RANBP2: variants seen among roughly 807,000 people sequenced by gnomAD.
RANBP2 encodes E3 SUMO-protein ligase RanBP2.
A neutral mutation model predicts 303.6 loss-of-function variants in RANBP2; 57 were observed. The ratio of observed to expected loss-of-function variants is 0.19; its 90% CI spans 0.15 to 0.23. The LOEUF is 0.23. Ranked by LOEUF, RANBP2 falls within the 10% of genes least tolerant of loss-of-function variation. RANBP2 has a pLI of 1.00. For synonymous variants in RANBP2, 1,167 were observed against 1,301.5 expected (o/e 0.90, Z 2.23); for missense variants, 3,138 against 3,780.8 (o/e 0.83, Z 4.46).
At chr2:109,191,161 G>A in the RANBP2 span, among the ~76,000 whole-genome samples, 3 of 152,126 alleles carry the variant, frequency 2.0e-5, no homozygotes, top group African/African-American at 4.8e-5. Context: ...GGTCCCCAAC[G>A]TGCTATCAAC....
the RANBP2 span, among the ~76,000 whole-genome samples, chr2:109,389,538 C>T: frequency 6.6e-6 from 1 of 152,070 alleles, no homozygotes; most frequent in Non-Finnish European, 1.5e-5. Flanking sequence ...CGGTCAGGAC[C>T]CAATCAATGG....
chr2:108,867,271 C>T, the RANBP2 span, among the ~76,000 whole-genome samples: 4 of 152,122 alleles, frequency 2.6e-5, no homozygotes, highest in African/African-American at 9.7e-5. Context: ...AGAAGCTCCC[C>T]GCTGGAAGCT....
chr2:109,203,429 G>T, the RANBP2 span, among the ~76,000 whole-genome samples: 8 of 152,208 alleles, frequency 5.3e-5, no homozygotes, highest in Non-Finnish European at 7.3e-5. Flanking sequence ...CTGTGGTCAG[G>T]CGATCACTGT....
chr2:109,237,330 C>G, the RANBP2 span, among the ~76,000 whole-genome samples: 3 of 151,948 alleles, frequency 2.0e-5, no homozygotes, highest in African/African-American at 7.3e-5. Context: ...TCTTGGTAAT[C>G]AAAGAGGTAC....
At chr2:109,250,156 T>C in the RANBP2 span, among the ~76,000 whole-genome samples, 1 of 151,990 alleles carries the variant, frequency 6.6e-6, no homozygotes, top group Admixed American at 6.6e-5. Flanking sequence ...TTCTCTGTCT[T>C]TAAGGTTTTT....
At chr2:109,614,326 C>T in the RANBP2 span, 2 of 643,954 alleles carry the variant, frequency 3.1e-6, no homozygotes, top group Non-Finnish European at 2.2e-6. Context: ...TCCGCCCGGG[C>T]GCGGCCCAGT....
the RANBP2 span, among the ~76,000 whole-genome samples, chr2:109,634,293 C>T: frequency 6.6e-6 from 1 of 151,722 alleles, no homozygotes; most frequent in African/African-American, 2.4e-5. Flanking sequence ...CCAATAGAAA[C>T]CCACACCTAC....
At chr2:109,585,408 C>A in the RANBP2 span, 1 of 1,158,364 alleles carries the variant, frequency 8.6e-7, no homozygotes, top group Non-Finnish European at 1.2e-6. Context: ...TTTCAAAGAT[C>A]CCAAATATTT....
At chr2:109,307,384 C>A in the RANBP2 span, among the ~76,000 whole-genome samples, 1 of 151,880 alleles carries the variant, frequency 6.6e-6, no homozygotes, top group African/African-American at 2.4e-5. Flanking sequence ...ACGCTGCATC[C>A]ATGCTCTGGG....
chr2:109,376,523 G>C, the RANBP2 span, among the ~76,000 whole-genome samples: 4,957 of 152,274 alleles, frequency 0.033, 191 homozygotes, highest in African/African-American at 0.087. Flanking sequence ...GGCCAGGATC[G>C]TGATCCAAAA....
At chr2:108,786,919 A>G, downstream of RANBP2, 1 of 1,521,336 alleles carries the variant, frequency 6.6e-7, no homozygotes, top group Non-Finnish European at 8.8e-7. Flanking sequence ...CGACGAGGTG[A>G]AGCCGCCGCC....
At chr2:108,762,885 T>A (rs925827446) in intron 19 of RANBP2, among the ~76,000 whole-genome samples, 35 of 152,192 alleles carry the variant, frequency 2.3e-4, no homozygotes, top group African/African-American at 8.2e-4. Flanking sequence ...ACTTTAGCTG[T>A]AGATTTTAAG....
chr2:109,268,128 C>G, the RANBP2 span, among the ~76,000 whole-genome samples: 1 of 151,964 alleles, frequency 6.6e-6, no homozygotes, highest in Non-Finnish European at 1.5e-5. Flanking sequence ...TGGCTCCACT[C>G]ACCTCCTTTG....
the RANBP2 span, among the ~76,000 whole-genome samples, chr2:108,923,650 A>C: frequency 2.0e-5 from 3 of 152,316 alleles, no homozygotes; most frequent in East Asian, 5.8e-4. Context: ...CATTCTTTTA[A>C]CAATATTGAG....
the RANBP2 span, among the ~76,000 whole-genome samples, chr2:109,062,960 C>T: frequency 6.6e-6 from 1 of 152,184 alleles, no homozygotes; most frequent in South Asian, 2.1e-4. Context: ...CACCCACCCA[C>T]GCTGACCCTG....
downstream of RANBP2, chr2:108,787,020 G>C: frequency 1.5e-6 from 1 of 661,300 alleles, no homozygotes; most frequent in Non-Finnish European, 2.2e-6. Context: ...CTCTGGTCCC[G>C]GCCCCGGCAC....
chr2:109,180,857 G>C, the RANBP2 span, among the ~76,000 whole-genome samples: 5 of 152,206 alleles, frequency 3.3e-5, no homozygotes, highest in Admixed American at 6.5e-5. Flanking sequence ...GGTCACAGGG[G>C]CTTCAGGGGC....
At chr2:108,886,739 A>T in the RANBP2 span, among the ~76,000 whole-genome samples, 983 of 66,306 alleles carry the variant, frequency 0.015, 9 homozygotes, top group South Asian at 0.081. Flanking sequence ...AATGGGATTT[A>T]AAAAAAAAAT....
the RANBP2 span, among the ~76,000 whole-genome samples, chr2:108,998,492 G>A: frequency 6.6e-6 from 1 of 152,200 alleles, no homozygotes; most frequent in Non-Finnish European, 1.5e-5. Context: ...AATCCTCCTC[G>A]TTTCCTGAAT....
Sources: gnomAD v4.1 joint callset for allele counts (sites outside exome capture counted in the v4.1 genomes callset) on GRCh38, gnomAD v4.1.1 for gene constraint, MANE v1.5 for transcripts, NCBI Gene and HGNC (gene_info 2026-07-23, HGNC 2026-07-21) for gene names.